Variants in RAD21 observed in about 807,000 individuals in gnomAD.
RAD21 encodes double-strand-break repair protein rad21 homolog.
Under a neutral mutation model 71.5 loss-of-function variants are expected in RAD21, and 18 were observed. That is an observed-to-expected ratio of 0.25 (90% CI 0.17 to 0.37). The LOEUF is 0.37. Among genes scored for constraint, RAD21 ranks in the 10% least tolerant of loss-of-function variants. The probability of loss-of-function intolerance (pLI) is 1.00; values close to 1 mark genes in which losing one functional copy is unlikely to be tolerated. For synonymous variants in RAD21, 248 were observed against 254.0 expected (o/e 0.98, Z 0.22); for missense variants, 493 against 769.1 (o/e 0.64, Z 4.25).
At chr8:116,856,392 A>C (rs1029635718) in intron 7 of RAD21, 104 bp from the exon 8 acceptor site, 2 of 1,341,062 alleles carry the variant, frequency 1.5e-6, no homozygotes, top group Non-Finnish European at 1.9e-6. Flanking sequence ...ATGGAAAGAA[A>C]TCCTGTTATT....
intron 5 of RAD21, among the ~76,000 whole-genome samples, chr8:116,857,838 A>G (rs543941656): frequency 2.1e-4 from 32 of 152,322 alleles, no homozygotes; most frequent in African/African-American, 7.2e-4. Context: ...TTCTGGGCAC[A>G]GTGGCATGTG....
chr8:116,869,549 C>A (rs1812767800), intron 1 of RAD21, among the ~76,000 whole-genome samples: 2 of 151,872 alleles, frequency 1.3e-5, no homozygotes, highest in African/African-American at 4.8e-5. Flanking sequence ...CGCGACACTG[C>A]ATTCTAGCCT....
intron 9 of RAD21, among the ~76,000 whole-genome samples, chr8:116,853,823 T>C (rs547687164): frequency 4.0e-5 from 6 of 151,754 alleles, no homozygotes; most frequent in Admixed American, 6.5e-5. Flanking sequence ...AGCCTATAAA[T>C]GGAAAAACAA....
At chr8:116,859,307 CTG>C (rs1158214600) in intron 4 of RAD21, among the ~76,000 whole-genome samples, 1 of 152,094 alleles carries the variant, frequency 6.6e-6, no homozygotes, top group Non-Finnish European at 1.5e-5. Context: ...CTTCATGCCT[CTG>C]TGTCACATTT....
At chr8:116,857,905 C>T (rs1029558614) in intron 5 of RAD21, among the ~76,000 whole-genome samples, 10 of 152,106 alleles carry the variant, frequency 6.6e-5, no homozygotes, top group African/African-American at 2.2e-4. Flanking sequence ...TCCAAGAGTT[C>T]GAGGCTGTAG....
At chr8:116,847,767 G>C in intron 13 of RAD21, 76 bp from the exon 14 acceptor site, 3 of 1,312,082 alleles carry the variant, frequency 2.3e-6, no homozygotes, top group Non-Finnish European at 3.1e-6. Context: ...GATACAGTTT[G>C]AATATTTGTC....
chr8:116,858,895 T>G (rs1812526604), intron 4 of RAD21, among the ~76,000 whole-genome samples: 1 of 151,876 alleles, frequency 6.6e-6, no homozygotes, highest in Admixed American at 6.6e-5. Context: ...AAAAAGTATG[T>G]AATGCTAAAC....
At chr8:116,864,658 T>C (rs1284926322) in intron 2 of RAD21, among the ~76,000 whole-genome samples, 1 of 152,144 alleles carries the variant, frequency 6.6e-6, no homozygotes, top group African/African-American at 2.4e-5. Flanking sequence ...TAATATTGAT[T>C]GAACCTTCAC....
chr8:116,858,086 A>T (rs1812508401), intron 5 of RAD21, among the ~76,000 whole-genome samples: 1 of 152,202 alleles, frequency 6.6e-6, no homozygotes, highest in Non-Finnish European at 1.5e-5. Flanking sequence ...TTTAAACGTG[A>T]TCACCACTTC....
chr8:116,873,576 C>G (rs1247655775), intron 1 of RAD21, among the ~76,000 whole-genome samples: 1 of 152,104 alleles, frequency 6.6e-6, no homozygotes, highest in African/African-American at 2.4e-5. Flanking sequence ...GATTAACTTT[C>G]CCTTGCAAAA....
intron 2 of RAD21, among the ~76,000 whole-genome samples, chr8:116,865,895 C>T (rs1812680284): frequency 6.6e-6 from 1 of 152,132 alleles, no homozygotes; most frequent in African/African-American, 2.4e-5. Context: ...CAATTGACAC[C>T]TCCCATCGGT....
rs745364372 is a variant in RAD21 at position 116,856,085 on chromosome 8, T to C, written c.937+81A>G. ...GAAGCCTAGTTATCTAATACAACAGTAGCAGATCAGTAGACAGGCAAAAAC... is the reference window on the plus strand; with the variant it reads ...GAAGCCTAGTTATCTAATACAACAGCAGCAGATCAGTAGACAGGCAAAAAC... On this transcript the variant is annotated intron_variant, in intron 8 of 13. Transcript: ENST00000297338. 874 of 1,465,784 alleles carry C rather than the reference T, an allele frequency of 6.0e-4. 1 individual carries two copies. Among genetic ancestry groups the C allele is most frequent in the Non-Finnish European group, 7.5e-4 (812 of 1,087,316 alleles). 90.8% of individuals were successfully genotyped at this position (1,465,784 alleles called of 1,614,324 possible).
intron 7 of RAD21, among the ~76,000 whole-genome samples, 171 bp from the exon 8 acceptor site, chr8:116,856,459 T>C (rs761657048): frequency 3.9e-5 from 6 of 152,004 alleles, no homozygotes; most frequent in African/African-American, 1.4e-4. Context: ...TTGAACCCAA[T>C]TGGCCAAAAA....
chr8:116,874,016 T>C (rs892323700), intron 1 of RAD21: 1 of 152,226 alleles, frequency 6.6e-6, no homozygotes, highest in Non-Finnish European at 1.5e-5. Flanking sequence ...ATTATCTTTT[T>C]AAAACGGGAG....
chr8:116,862,981 A>G lies in RAD21; in HGVS notation c.274+149T>C, dbSNP rs11984783. On this transcript the variant is annotated intron_variant, in intron 3 of 13. Transcript: ENST00000297338. The stretch of plus-strand genomic sequence containing the variant: ...CCTCCCTTGAAGCACTGCCTCCCCA[A>G]GCCTTGCTCTATCTTTGAAGGGTTC... 5,325 of 1,025,960 alleles carry G rather than the reference A, an allele frequency of 5.2e-3. 185 individuals carry two copies. The African/African-American group carries it at 0.073, about 14-fold the overall frequency. 63.6% of individuals were successfully genotyped at this position (1,025,960 alleles called of 1,614,324 possible).
In RAD21 at chr8:116,866,967, A is replaced by G. The variant is rs1489516560; in HGVS notation, c.-32-206T>C. The G allele has an allele frequency of 8.9e-6, 3 of 338,586 alleles. No individual in the cohort carries two copies. In the Admixed American group the frequency reaches 1.4e-4, roughly 16 times the overall value. 21.0% of individuals were successfully genotyped at this position (338,586 alleles called of 1,614,324 possible). A position where few individuals can be genotyped will look rare whatever the true frequency, so the allele number is the denominator to read the frequency against. ...AGAGAGGAAAAAAAAATAGACCCCAAAATACTAAGAGCTGAAAGTAAAAGG... is the reference window on the plus strand; with the variant it reads ...AGAGAGGAAAAAAAAATAGACCCCAGAATACTAAGAGCTGAAAGTAAAAGG... On this transcript the variant is annotated intron_variant, in intron 1 of 13. Transcript: ENST00000297338.
At chr8:116,858,138 G>T (rs562434537) in intron 5 of RAD21, among the ~76,000 whole-genome samples, 1 of 152,306 alleles carries the variant, frequency 6.6e-6, no homozygotes, top group Admixed American at 6.5e-5. Context: ...TAGGTTCTAT[G>T]ATTGCATATA....
At position 116,854,240 on chromosome 8, in the gene RAD21, A is replaced by G. The variant is rs200852626; in HGVS notation, c.1161+5T>C. Reference sequence around the variant, plus strand: ...ATGAAGTAAAAATTCTGCAAACTATATTACCTTCAGTAGTCTGTTATTCCA... The same window carrying G: ...ATGAAGTAAAAATTCTGCAAACTATGTTACCTTCAGTAGTCTGTTATTCCA... On this transcript the variant is annotated splice_donor_5th_base_variant and intron_variant, in intron 9 of 13. Transcript: ENST00000297338. The G allele has an allele frequency of 2.3e-5, 37 of 1,600,948 alleles. No individual in the cohort carries two copies. Among genetic ancestry groups the G allele is most frequent in the Middle Eastern group, 1.7e-4 (1 of 5,906 alleles).
intron 5 of RAD21, 112 bp from the exon 6 acceptor site, chr8:116,857,585 T>G: frequency 7.8e-6 from 7 of 899,304 alleles, no homozygotes; most frequent in African/African-American, 1.7e-5. Context: ...ACTGAAGTCT[T>G]ACTTCAAATG....
Sources: allele counts gnomAD v4.1 joint callset (sites outside exome capture counted in the v4.1 genomes callset), GRCh38; gene constraint gnomAD v4.1.1; transcripts MANE v1.5; gene names NCBI Gene and HGNC (gene_info 2026-07-23, HGNC 2026-07-21).